Variants in NPRL3 observed in about 807,000 individuals in gnomAD.
NPRL3 encodes the protein NPR3 like, GATOR1 complex subunit.
In NPRL3, 23 loss-of-function variants were observed where a neutral mutation model predicts 57.2. The ratio of observed to expected loss-of-function variants is 0.40; its 90% CI spans 0.29 to 0.57. The LOEUF (loss-of-function observed/expected upper bound fraction) is 0.57. Among genes scored for constraint, NPRL3 ranks in the 20% least tolerant of loss-of-function variants. The pLI, the probability that NPRL3 is intolerant of heterozygous loss-of-function variation, is 0.42. For synonymous variants in NPRL3, 333 were observed against 321.1 expected (o/e 1.04, Z -0.39); for missense variants, 691 against 767.1 (o/e 0.90, Z 1.17).
intron 12 of NPRL3, 112 bp downstream of exon 12, chr16:89,601 T>G: frequency 2.0e-6 from 2 of 1,011,218 alleles, no homozygotes; most frequent in Admixed American, 6.8e-5. Flanking sequence ...CATGTGCGTG[T>G]GCAGCTGTGT....
At chr16:116,391 A>G (rs1900035166) in intron 5 of NPRL3, among the ~76,000 whole-genome samples, 1 of 152,234 alleles carries the variant, frequency 6.6e-6, no homozygotes, top group Admixed American at 6.5e-5. Flanking sequence ...GATGCTATGA[A>G]AATGCAAATA....
rs537474122 is a variant in NPRL3 at position 87,955 on chromosome 16, G to A, written c.1544+743C>T. On this transcript the variant is annotated intron_variant, in intron 13 of 13. Transcript: ENST00000611875. ...CTGCAACTCAGGCTGGCACAGAGGA[G>A]GCTAGGATGCAGGTGAGACCTGGAC... Among the ~76,000 whole-genome samples, 15 of 151,666 alleles carry A rather than the reference G, an allele frequency of 9.9e-5. No individual in the cohort carries two copies. The South Asian group carries it at 2.9e-3, about 29-fold the overall frequency.
Position 119,371 on chromosome 16 carries a change from G to C in NPRL3, c.189-116C>G, listed in dbSNP as rs927856828. 7 of 1,003,824 alleles carry C rather than the reference G, an allele frequency of 7.0e-6. No individual in the cohort carries two copies. In the African/African-American group the frequency reaches 1.1e-4, roughly 16 times the overall value. The allele number at this position is 1,003,824 out of a possible 1,614,324, so 62.2% of individuals were successfully genotyped here. On this transcript the variant is annotated intron_variant, in intron 3 of 13. Coordinates refer to ENST00000611875, the MANE Select transcript of NPRL3 (RefSeq NM_001077350.3). Reference sequence around the variant, plus strand: ...AACTGCACCTTCATGGAGTTGCTCTGCCCCGACTGCTGGTGGAAGCTACTA... The same window carrying C: ...AACTGCACCTTCATGGAGTTGCTCTCCCCCGACTGCTGGTGGAAGCTACTA...
chr16:93,396 G>T, intron 9 of NPRL3, 71 bp from the exon 10 acceptor site: 1 of 998,944 alleles, frequency 1.0e-6, no homozygotes, highest in Non-Finnish European at 1.6e-6. Context: ...GCAGCTCTCA[G>T]CCTGGGTGGC....
Position 98,353 on chromosome 16 carries a change from CGGGT to C in NPRL3, c.768-56_768-53del, listed in dbSNP as rs1207576660. 2.9e-3 allele frequency: 4,606 copies of C among 1,583,454 alleles called. 167 individuals are homozygous for C. In the African/African-American group the frequency reaches 0.043, roughly 15 times the overall value. ...CACACGAAGTGCAGGAACCCTGCAC[CGGGT>C]ATGCACCAGGTCCTGCACCAGGTAT... On this transcript the variant is annotated intron_variant, in intron 8 of 13. Coordinates refer to ENST00000611875, the MANE Select transcript of NPRL3 (RefSeq NM_001077350.3).
rs1234185705 is a variant in NPRL3 at position 93,048 on chromosome 16, T to C, written c.1031+171A>G. On this transcript the variant is annotated intron_variant, in intron 10 of 13. Transcript: ENST00000611875. ...CACAGAGCACAGAGCCAGACCAGAATTGGGACCTGGGTATGCTAGTGGCCA... is the reference window on the plus strand; with the variant it reads ...CACAGAGCACAGAGCCAGACCAGAACTGGGACCTGGGTATGCTAGTGGCCA... 7.9e-6 allele frequency: 5 copies of C among 632,648 alleles called. 1 individual carries two copies. Among genetic ancestry groups the C allele is most frequent in the South Asian group, 5.6e-5 (3 of 53,362 alleles). 39.2% of individuals were successfully genotyped at this position (632,648 alleles called of 1,614,324 possible). A position where few individuals can be genotyped will look rare whatever the true frequency, so the allele number is the denominator to read the frequency against.
chr16:111,264 G>A (rs1260838013), intron 6 of NPRL3, among the ~76,000 whole-genome samples: 1 of 151,866 alleles, frequency 6.6e-6, no homozygotes, highest in Non-Finnish European at 1.5e-5. Context: ...GCCGGGCGTG[G>A]TGGCGGGCGC....
chr16:110,474 G>A, intron 7 of NPRL3, 51 bp downstream of exon 7: 1 of 1,479,318 alleles, frequency 6.8e-7, no homozygotes, highest in South Asian at 1.2e-5. Context: ...CTCAGGCCCA[G>A]GCAGGCTGGC....
chr16:119,336 G>A lies in NPRL3; in HGVS notation c.189-81C>T, dbSNP rs571029301. 3.3e-5 allele frequency: 47 copies of A among 1,418,710 alleles called. No homozygotes were observed. The African/African-American group carries it at 5.4e-4, about 16-fold the overall frequency. 87.9% of individuals were successfully genotyped at this position (1,418,710 alleles called of 1,614,324 possible). ...TGCCCTGCTGGCCCCAGAGCGGAAG[G>A]GTCTCAGTAAACTGCACCTTCATGG... On this transcript the variant is annotated intron_variant, in intron 3 of 13. Coordinates refer to ENST00000611875, the MANE Select transcript of NPRL3 (RefSeq NM_001077350.3).
At chr16:128,483 C>A (rs1900641777) in intron 3 of NPRL3, among the ~76,000 whole-genome samples, 1 of 152,154 alleles carries the variant, frequency 6.6e-6, no homozygotes, top group South Asian at 2.1e-4. Context: ...CAGTCAAAGA[C>A]ACGGGCCGGG....
chr16:124,345 TTTC>T (rs1900420369), intron 3 of NPRL3, among the ~76,000 whole-genome samples: 1 of 151,902 alleles, frequency 6.6e-6, no homozygotes, highest in Admixed American at 6.5e-5. Context: ...CATCTTTTCT[TTTC>T]TTTTTTTTTT....
intron 11 of NPRL3, among the ~76,000 whole-genome samples, chr16:91,800 G>C (rs1001705272): frequency 3.3e-5 from 5 of 152,224 alleles, no homozygotes; most frequent in African/African-American, 9.6e-5. Flanking sequence ...TGGAGACAAA[G>C]ACTTGAGAAC....
At position 98,367 on chromosome 16, in the gene NPRL3, GTCC is replaced by G; in HGVS notation, c.768-69_768-67del. The G allele has an allele frequency of 2.6e-6, 4 of 1,542,188 alleles. No homozygotes were observed. In the African/African-American group the frequency reaches 5.9e-5, roughly 23 times the overall value. Reference sequence around the variant, plus strand: ...GAACCCTGCACCGGGTATGCACCAGGTCCTGCACCAGGTATGCACCGGGTATGC... The same window carrying G: ...GAACCCTGCACCGGGTATGCACCAGGTGCACCAGGTATGCACCGGGTATGC... On this transcript the variant is annotated intron_variant, in intron 8 of 13. Coordinates refer to ENST00000611875, the MANE Select transcript of NPRL3 (RefSeq NM_001077350.3).
Position 85,747 on chromosome 16 carries a change from C to CA in NPRL3, c.*957dup, listed in dbSNP as rs766373409. On this transcript the variant is annotated 3_prime_UTR_variant, in exon 14 of 14. Coordinates refer to ENST00000611875, the MANE Select transcript of NPRL3 (RefSeq NM_001077350.3). Reference sequence around the variant, plus strand: ...GCAGCCCCTGGGTCAGTGTGGTCGACAGAGTGGCTGAGCAGGACACACAGG... The same window carrying CA: ...GCAGCCCCTGGGTCAGTGTGGTCGACAAGAGTGGCTGAGCAGGACACACAGG... 1.3e-6 allele frequency: 2 copies of CA among 1,513,752 alleles called. No individual in the cohort carries two copies. The highest frequency in any genetic ancestry group is 2.7e-5 in the South Asian group (2 of 75,438). 93.8% of individuals were successfully genotyped at this position (1,513,752 alleles called of 1,614,324 possible).
At chr16:136,200 A>G (rs1901067155) in intron 2 of NPRL3, among the ~76,000 whole-genome samples, 1 of 152,250 alleles carries the variant, frequency 6.6e-6, no homozygotes, top group Non-Finnish European at 1.5e-5. Context: ...ATTGAAAACA[A>G]TTTTGCGTCC....
At position 103,296 on chromosome 16, in the gene NPRL3, ATTTTTTTTTTTTTT is replaced by A. The variant is rs533871530; in HGVS notation, c.630-2801_630-2788del. On this transcript the variant is annotated intron_variant, in intron 7 of 13. Coordinates refer to ENST00000611875, the MANE Select transcript of NPRL3 (RefSeq NM_001077350.3). ...GACGTGCAACATCACGCCTGGGGTG[ATTTTTTTTTTTTTT>A]TTTTTTTTTTTTTTTGTAGAGACAG... Among the ~76,000 whole-genome samples, 7 of 42,126 alleles carry A rather than the reference ATTTTTTTTTTTTTT, an allele frequency of 1.7e-4. 1 individual carries two copies. Among genetic ancestry groups the A allele is most frequent in the South Asian group, 1.2e-3 (1 of 832 alleles). The allele number at this position is 42,126 out of a possible 152,430, so 27.6% of individuals were successfully genotyped here. A position where few individuals can be genotyped will look rare whatever the true frequency, so the allele number is the denominator to read the frequency against.
intron 5 of NPRL3, among the ~76,000 whole-genome samples, chr16:115,994 A>G (rs1335070101): frequency 1.3e-5 from 2 of 152,234 alleles, no homozygotes; most frequent in Non-Finnish European, 2.9e-5. Flanking sequence ...AGCCTGGGGG[A>G]AATCTTTACG....
rs1899277453 is a variant in NPRL3 at position 101,009 on chromosome 16, A to T, written c.630-500T>A. 2.7e-5 allele frequency among the ~76,000 whole-genome samples: 4 copies of T among 150,410 alleles called. No homozygotes were observed. The South Asian group carries it at 8.4e-4, about 32-fold the overall frequency. On this transcript the variant is annotated intron_variant, in intron 7 of 13. Transcript: ENST00000611875. The stretch of plus-strand genomic sequence containing the variant: ...AAAAAAAGGAAGAAGAAGAAGAAAG[A>T]AAAAGAGAAACATATTTCTGGCTAG...
At chr16:90,448 T>C (rs1369511390) in intron 11 of NPRL3, 1 of 152,834 alleles carries the variant, frequency 6.5e-6, no homozygotes, top group East Asian at 1.9e-4. Context: ...CTGAGGCCAG[T>C]GACCCTGGGC....
Sources: gnomAD v4.1 joint callset for allele counts (sites outside exome capture counted in the v4.1 genomes callset) on GRCh38, gnomAD v4.1.1 for gene constraint, MANE v1.5 for transcripts, NCBI Gene and HGNC (gene_info 2026-07-23, HGNC 2026-07-21) for gene names.